Variants in UHRF1 observed in about 807,000 individuals in gnomAD.
UHRF1 encodes E3 ubiquitin-protein ligase UHRF1.
In UHRF1, 9 loss-of-function variants were observed where a neutral mutation model predicts 96.5. That is an observed-to-expected ratio of 0.09 (90% CI 0.06 to 0.16). UHRF1 has a LOEUF of 0.16. Ranked by LOEUF, UHRF1 falls within the 10% of genes least tolerant of loss-of-function variation. UHRF1 has a pLI of 1.00. For missense variants in UHRF1, 626 were observed against 1,131.1 expected (o/e 0.55, Z 6.40); for synonymous variants, 455 against 469.9 (o/e 0.97, Z 0.41).
chr19:4,946,856 G>A (rs2033581147), intron 10 of UHRF1, among the ~76,000 whole-genome samples: 1 of 152,160 alleles, frequency 6.6e-6, no homozygotes, highest in Non-Finnish European at 1.5e-5. Flanking sequence ...GATTACGGGT[G>A]TGAGCCACCA....
At position 4,956,784 on chromosome 19, in the gene UHRF1, A is replaced by T; in HGVS notation, c.2206A>T (p.Thr736Ser). 6.2e-7 allele frequency: 1 copy of T among 1,610,348 alleles called. No homozygotes were observed. ...CCQELVFRPI[T>S]TVCQHNVCKD... ...TCAGGAGCTGGTGTTCCGGCCCATCACGACCGTGTGCCAGCACAACGTGTG... is the reference window on the plus strand; with the variant it reads ...TCAGGAGCTGGTGTTCCGGCCCATCTCGACCGTGTGCCAGCACAACGTGTG... Residue 736 changes from threonine to serine, a missense_variant, in exon 16 of 17, where the codon ACG becomes TCG. Coordinates refer to ENST00000650932, the MANE Select transcript of UHRF1 (RefSeq NM_001048201.3).
chr19:4,905,998 A>G (rs181728266), upstream of UHRF1, among the ~76,000 whole-genome samples: 350 of 152,166 alleles, frequency 2.3e-3, 3 homozygotes, highest in African/African-American at 8.1e-3. Flanking sequence ...ATTTTTTGAG[A>G]CAGAGTCTCC....
intron 1 of UHRF1, 186 bp from the exon 2 acceptor site, chr19:4,910,690 C>T (rs2032232829): frequency 1.2e-5 from 6 of 506,976 alleles, no homozygotes; most frequent in Non-Finnish European, 2.0e-5. Flanking sequence ...TCGTTAATGC[C>T]TTAAGTGCTT....
chr19:4,932,304 G>A (rs2033078452), intron 4 of UHRF1, among the ~76,000 whole-genome samples: 2 of 151,730 alleles, frequency 1.3e-5, no homozygotes, highest in South Asian at 4.2e-4. Flanking sequence ...CTGACCTCAG[G>A]TGATCTTCCC....
At chr19:4,913,298 G>T (rs1336850908) in intron 2 of UHRF1, among the ~76,000 whole-genome samples, 2 of 125,768 alleles carry the variant, frequency 1.6e-5, no homozygotes, top group East Asian at 4.3e-4. Context: ...TTGTTGCCCA[G>T]GCTGGAGTGC....
At chr19:4,925,873 A>C (rs1441432777) in intron 2 of UHRF1, among the ~76,000 whole-genome samples, 2 of 127,412 alleles carry the variant, frequency 1.6e-5, no homozygotes, top group Non-Finnish European at 3.3e-5. Context: ...TGATCCTCTC[A>C]CCTGTTTTTT....
chr19:4,915,593 G>A (rs2032465861), intron 2 of UHRF1, among the ~76,000 whole-genome samples: 1 of 152,102 alleles, frequency 6.6e-6, no homozygotes, highest in South Asian at 2.1e-4. Flanking sequence ...CATGTCTGTA[G>A]TTCCACTTAG....
chr19:4,926,133 A>T (rs978032469), intron 2 of UHRF1, among the ~76,000 whole-genome samples: 1 of 151,660 alleles, frequency 6.6e-6, no homozygotes, highest in African/African-American at 2.4e-5. Context: ...TGACCTCGTG[A>T]TCTGCCTGCC....
At chr19:4,934,025 CTT>C (rs35115043) in intron 5 of UHRF1, among the ~76,000 whole-genome samples, 10 of 130,212 alleles carry the variant, frequency 7.7e-5, no homozygotes, top group East Asian at 2.2e-4. Flanking sequence ...GAAAATTTAC[CTT>C]TTTTTTTTTT....
chr19:4,949,218 C>G (rs1478883389), intron 11 of UHRF1, among the ~76,000 whole-genome samples: 2 of 151,982 alleles, frequency 1.3e-5, no homozygotes, highest in African/African-American at 4.8e-5. Flanking sequence ...TATTTGTTTC[C>G]CCTATAAAGT....
At chr19:4,911,765 T>A (rs2032286875) in intron 2 of UHRF1, among the ~76,000 whole-genome samples, 1 of 152,110 alleles carries the variant, frequency 6.6e-6, no homozygotes, top group South Asian at 2.1e-4. Flanking sequence ...GGTGTTTTTG[T>A]GGGGGACTGT....
intron 4 of UHRF1, among the ~76,000 whole-genome samples, chr19:4,932,151 G>A (rs575037202): frequency 7.2e-5 from 11 of 152,170 alleles, no homozygotes; most frequent in Non-Finnish European, 1.0e-4. Context: ...TCCAACTTCC[G>A]ACCTCAGATG....
At chr19:4,959,492 C>T (rs900129876) in intron 16 of UHRF1, among the ~76,000 whole-genome samples, 22 of 152,110 alleles carry the variant, frequency 1.4e-4, no homozygotes, top group Admixed American at 6.5e-5. Flanking sequence ...CTGTGTACGG[C>T]GTGTCACTCC....
chr19:4,939,564 G>T (rs2033321370), intron 5 of UHRF1, among the ~76,000 whole-genome samples: 1 of 151,966 alleles, frequency 6.6e-6, no homozygotes, highest in Non-Finnish European at 1.5e-5. Context: ...GTTCCAAATG[G>T]CTCTATCCAG....
chr19:4,934,067 A>G (rs1284187860), intron 5 of UHRF1, among the ~76,000 whole-genome samples: 2 of 148,824 alleles, frequency 1.3e-5, no homozygotes, highest in African/African-American at 2.5e-5. Flanking sequence ...TCTGTCGCCC[A>G]GGCTGGGGTA....
At chr19:4,942,907 C>T (rs556281814) in intron 7 of UHRF1, among the ~76,000 whole-genome samples, 37 of 149,318 alleles carry the variant, frequency 2.5e-4, no homozygotes, top group African/African-American at 8.7e-4. Context: ...CACTGTACTC[C>T]AGCCTGGGTG....
chr19:4,951,241 G>C (rs1227628628), intron 13 of UHRF1, among the ~76,000 whole-genome samples: 2 of 152,194 alleles, frequency 1.3e-5, no homozygotes, highest in African/African-American at 4.8e-5. Flanking sequence ...ACTGCAGCCT[G>C]GGTGACAGAA....
Position 4,932,867 on chromosome 19 carries a change from C to T in UHRF1, c.696C>T (p.Pro232=), listed in dbSNP as rs778261994. ...TGCTCAACTACAACCCCGACAACCC[C>T]AAGGAGCGGGGCTTCTGGTACGACG... is the stretch of plus-strand genomic sequence containing the variant. ...VVMLNYNPDN[P]KERGFWYDAE... Residue 232 remains proline (P), a synonymous_variant, in exon 5 of 17, where the codon CCC becomes CCT. Coordinates refer to ENST00000650932, the MANE Select transcript of UHRF1 (RefSeq NM_001048201.3). 5.0e-6 allele frequency: 8 copies of T among 1,613,790 alleles called. No homozygotes were observed. Among genetic ancestry groups the T allele is most frequent in the Non-Finnish European group, 6.8e-6 (8 of 1,179,908 alleles).
intron 1 of UHRF1, 128 bp downstream of exon 1, chr19:4,909,783 G>T (rs1275410731): frequency 2.2e-6 from 1 of 459,510 alleles, no homozygotes; most frequent in Non-Finnish European, 3.8e-6. Flanking sequence ...GGGATCCAGG[G>T]CCTCCCCTTC....
Sources: gnomAD v4.1 joint callset for allele counts (sites outside exome capture counted in the v4.1 genomes callset) on GRCh38, gnomAD v4.1.1 for gene constraint, MANE v1.5 for transcripts, NCBI Gene and HGNC (gene_info 2026-07-23, HGNC 2026-07-21) for gene names.